DMD: variants seen among roughly 807,000 people sequenced by gnomAD.
The protein encoded by DMD is dystrophin, also known as mutant dystrophin.
A neutral mutation model predicts 330.1 loss-of-function variants in DMD; 63 were observed. That is an observed-to-expected ratio of 0.19 (90% CI 0.16 to 0.24). DMD has a LOEUF of 0.24. Among genes scored for constraint, DMD ranks in the 10% least tolerant of loss-of-function variants. DMD has a pLI of 1.00. For missense variants in DMD, 3,344 were observed against 2,684.1 expected (o/e 1.25, Z -5.43); for synonymous variants, 1,223 against 959.8 (o/e 1.27, Z -5.07).
chrX:31,712,874 G>A (rs911474413), intron 52 of DMD, among the ~76,000 whole-genome samples: 25 of 111,144 alleles, frequency 2.2e-4, no homozygotes, highest in African/African-American at 8.2e-4. Flanking sequence ...TCCATATCGA[G>A]ACATTAAAAT....
intron 2 of DMD, among the ~76,000 whole-genome samples, chrX:32,900,638 C>G (rs2086152947): frequency 9.0e-6 from 1 of 111,656 alleles, no homozygotes; most frequent in Non-Finnish European, 1.9e-5. Context: ...AGCCACCACA[C>G]CCAGCCCCCT....
intron 4 of DMD, among the ~76,000 whole-genome samples, chrX:32,837,589 T>C (rs1230822305): frequency 8.9e-6 from 1 of 111,787 alleles, no homozygotes; most frequent in Non-Finnish European, 1.9e-5. Context: ...CTTCCTTTAA[T>C]CCTCCCCACG....
At chrX:32,096,209 A>G (rs753189537) in intron 44 of DMD, among the ~76,000 whole-genome samples, 2 of 112,080 alleles carry the variant, frequency 1.8e-5, no homozygotes, top group South Asian at 7.4e-4. Flanking sequence ...ACCTCACTTT[A>G]CAAATGGAGA....
intron 9 of DMD, among the ~76,000 whole-genome samples, chrX:32,653,163 T>A (rs1347873483): frequency 8.9e-6 from 1 of 112,211 alleles, no homozygotes; most frequent in Non-Finnish European, 1.9e-5. Flanking sequence ...CTTGGTTTAA[T>A]TAGATCCCAT....
intron 17 of DMD, among the ~76,000 whole-genome samples, chrX:32,544,297 A>G (rs932218737): frequency 8.9e-6 from 1 of 112,044 alleles, no homozygotes; most frequent in African/African-American, 3.2e-5. Flanking sequence ...TTCTTAGAAC[A>G]TCTGACATGG....
intron 9 of DMD, among the ~76,000 whole-genome samples, chrX:32,693,472 G>A (rs949713384): frequency 2.2e-4 from 25 of 111,601 alleles, no homozygotes; most frequent in African/African-American, 8.2e-4. Context: ...ACCGAGTCTT[G>A]CCCTGTCACC....
intron 1 of DMD, among the ~76,000 whole-genome samples, chrX:33,335,159 A>G (rs1031517761): frequency 9.1e-6 from 1 of 110,150 alleles, no homozygotes; most frequent in Non-Finnish European, 1.9e-5. Context: ...GCATTCAGAC[A>G]CTTTTCACTG....
chrX:32,727,874 T>G (rs909637479), intron 7 of DMD, among the ~76,000 whole-genome samples: 2 of 111,529 alleles, frequency 1.8e-5, no homozygotes, highest in Non-Finnish European at 3.8e-5. Context: ...CTCTGATCAC[T>G]CTGATCATAC....
chrX:31,338,950 A>C (rs2057564120), intron 61 of DMD, among the ~76,000 whole-genome samples: 1 of 108,477 alleles, frequency 9.2e-6, no homozygotes, highest in Middle Eastern at 4.7e-3. Flanking sequence ...GCACAAAAAA[A>C]AAAAAAAAAA....
chrX:32,074,080 A>T, intron 44 of DMD, among the ~76,000 whole-genome samples: 1 of 111,764 alleles, frequency 8.9e-6, no homozygotes. Flanking sequence ...TTTTCATTTT[A>T]TAAATAAGAA....
chrX:32,415,698 T>G (rs772921846), intron 29 of DMD, among the ~76,000 whole-genome samples: 4 of 112,147 alleles, frequency 3.6e-5, no homozygotes, highest in Non-Finnish European at 7.5e-5. Flanking sequence ...ATTATATAGC[T>G]AGACAGAAAC....
chrX:31,552,844 C>T (rs1456032098), intron 55 of DMD, among the ~76,000 whole-genome samples: 1 of 111,818 alleles, frequency 8.9e-6, no homozygotes, highest in Admixed American at 9.5e-5. Context: ...TACCACCTTC[C>T]TCAAGGGACT....
intron 1 of DMD, among the ~76,000 whole-genome samples, chrX:33,051,315 G>A (rs1479503742): frequency 9.4e-6 from 1 of 106,010 alleles, no homozygotes; most frequent in Non-Finnish European, 1.9e-5. Context: ...GGGTCCAAGC[G>A]ATTCTTCTGC....
At chrX:32,046,901 C>T (rs996279974) in intron 44 of DMD, among the ~76,000 whole-genome samples, 2 of 111,018 alleles carry the variant, frequency 1.8e-5, no homozygotes, top group African/African-American at 6.5e-5. Context: ...TTGCGTAATT[C>T]CCTAGTGCCC....
intron 1 of DMD, among the ~76,000 whole-genome samples, chrX:33,331,136 G>A (rs1159032754): frequency 8.9e-6 from 1 of 111,823 alleles, no homozygotes; most frequent in Non-Finnish European, 1.9e-5. Context: ...TTTCATTTCA[G>A]TTGGTGGGCT....
intron 1 of DMD, among the ~76,000 whole-genome samples, chrX:33,290,678 G>A (rs377282087): frequency 1.8e-5 from 2 of 111,336 alleles, no homozygotes; most frequent in Non-Finnish European, 3.8e-5. Context: ...TGCATACAAT[G>A]TCTTTAATTC....
chrX:32,458,768 C>A (rs2098371692), intron 25 of DMD, among the ~76,000 whole-genome samples: 1 of 111,498 alleles, frequency 9.0e-6, no homozygotes, highest in Non-Finnish European at 1.9e-5. Context: ...TTTTCATATA[C>A]CTGTTGGTCA....
intron 48 of DMD, among the ~76,000 whole-genome samples, chrX:31,873,175 G>A (rs1483133687): frequency 9.0e-6 from 1 of 111,470 alleles, no homozygotes; most frequent in African/African-American, 3.3e-5. Flanking sequence ...TTAATCATCA[G>A]ACTGAACCCA....
intron 47 of DMD, among the ~76,000 whole-genome samples, chrX:31,910,636 G>A (rs969677221): frequency 2.7e-5 from 3 of 112,070 alleles, no homozygotes; most frequent in African/African-American, 9.7e-5. Context: ...TGTGGGCTGA[G>A]GATAACAGGA....
Sources: allele counts gnomAD v4.1 joint callset (sites outside exome capture counted in the v4.1 genomes callset), GRCh38; gene constraint gnomAD v4.1.1; transcripts MANE v1.5; gene names NCBI Gene and HGNC (gene_info 2026-07-23, HGNC 2026-07-21).